Variants in RARA observed in about 807,000 individuals in gnomAD.
RARA encodes PML-DDX5-RARA fusion.
RARA carries 5 observed loss-of-function variants against 42.8 expected under a neutral mutation model. The ratio of observed to expected loss-of-function variants is 0.12; its 90% CI spans 0.06 to 0.25. RARA has a LOEUF of 0.25. Ranked by LOEUF, RARA falls within the 10% of genes least tolerant of loss-of-function variation. The pLI, the probability that RARA is intolerant of heterozygous loss-of-function variation, is 1.00. For missense variants in RARA, 402 were observed against 628.7 expected, an observed-to-expected ratio of 0.64 and a Z score of 3.86; for synonymous variants, 256 against 259.5, an observed-to-expected ratio of 0.99 and a Z score of 0.13.
intron 1 of RARA, among the ~76,000 whole-genome samples, chr17:40,310,195 C>T (rs1196910615): frequency 6.6e-6 from 1 of 152,206 alleles, no homozygotes; most frequent in Non-Finnish European, 1.5e-5. Flanking sequence ...TTCTGCCCCG[C>T]TACAGGCTCT....
intron 2 of RARA, among the ~76,000 whole-genome samples, chr17:40,339,103 G>T (rs1174459153): frequency 6.6e-6 from 1 of 152,228 alleles, no homozygotes; most frequent in African/African-American, 2.4e-5. Context: ...ACGGTCGCCT[G>T]CTTCCTGCTG....
At position 40,352,550 on chromosome 17, in the gene RARA, C is replaced by T. The variant is rs747760353; in HGVS notation, c.807+43C>T. On this transcript the variant is annotated intron_variant, in intron 6 of 8. Transcript: ENST00000254066. This position sits in a 1 kb window ranked among gnomAD's most constrained non-coding sequence, Gnocchi z 4.9. ...GGCCCCCAGGCACTGCCCCTGTGTC[C>T]TGGGTAGATGTCCTTCCAGCCAGAC... The T allele has an allele frequency of 5.3e-6, 8 of 1,497,854 alleles. 1 individual carries two copies. The South Asian group carries it at 1.0e-4, about 19-fold the overall frequency. The allele number at this position is 1,497,854 out of a possible 1,614,324, so 92.8% of individuals were successfully genotyped here.
In RARA at chr17:40,331,326, C is replaced by T. The variant is rs2033685560; in HGVS notation, c.108C>T (p.Ser36=). Residue 36 remains serine, a synonymous_variant, in exon 2 of 9, where the codon TCC becomes TCT. Coordinates refer to ENST00000254066, the MANE Select transcript of RARA (RefSeq NM_000964.4). ...FFFPPMLGGL[S]PPGALTTLQH... ...TCCCCCCTATGCTGGGTGGACTCTCCCCGCCAGGCGCTCTGACCACTCTCC... is the reference window on the plus strand; with the variant it reads ...TCCCCCCTATGCTGGGTGGACTCTCTCCGCCAGGCGCTCTGACCACTCTCC... The T allele has an allele frequency of 3.7e-6, 6 of 1,614,080 alleles. No homozygotes were observed. The highest frequency in any genetic ancestry group is 4.2e-6 in the Non-Finnish European group (5 of 1,179,988).
In RARA at chr17:40,355,462, C is replaced by G. The variant is rs1567766898; in HGVS notation, c.1171+41C>G. The G allele has an allele frequency of 1.3e-6, 2 of 1,573,852 alleles. No homozygotes were observed. The highest frequency in any genetic ancestry group is 1.7e-6 in the Non-Finnish European group (2 of 1,156,086). The stretch of plus-strand genomic sequence containing the variant: ...CTGGAGGGGTACCGGCCCCCGACAC[C>G]TGGCCCAGGCCCCCACATCCAAGCC... On this transcript the variant is annotated intron_variant, in intron 8 of 8. Transcript: ENST00000254066. This position sits in a 1 kb window ranked among gnomAD's most constrained non-coding sequence, Gnocchi z 4.1.
In RARA at chr17:40,354,534, T is replaced by TGGGGGGGGG; in HGVS notation, c.1012+31_1012+32insGGGGGGGGG. 1.2e-6 allele frequency: 1 copy of TGGGGGGGGG among 839,640 alleles called. No homozygotes were observed. 52.0% of individuals were successfully genotyped at this position (839,640 alleles called of 1,614,324 possible). On this transcript the variant is annotated intron_variant, in intron 7 of 8. Coordinates refer to ENST00000254066, the MANE Select transcript of RARA (RefSeq NM_000964.4). This position sits in a 1 kb window ranked among gnomAD's most constrained non-coding sequence, Gnocchi z 4.5. ...GGGCAGGGGGCCTGGGTCTGGGGGC[T>TGGGGGGGGG]GGGCTGGGACGGGGGTGCAGCCCTG... is the stretch of plus-strand genomic sequence containing the variant.
intron 3 of RARA, 181 bp downstream of exon 3, chr17:40,348,645 A>C: frequency 1.5e-6 from 1 of 683,130 alleles, no homozygotes; most frequent in Non-Finnish European, 2.2e-6. Flanking sequence ...TCCCCCATAA[A>C]TGTGCAGGGC....
intron 1 of RARA, among the ~76,000 whole-genome samples, chr17:40,311,011 G>A (rs1238329085): frequency 1.3e-5 from 2 of 152,092 alleles, no homozygotes; most frequent in African/African-American, 4.8e-5. Flanking sequence ...AGCACCTGTG[G>A]TCACAGAGTA....
At chr17:40,314,503 G>A (rs937330940) in intron 1 of RARA, among the ~76,000 whole-genome samples, 10 of 151,610 alleles carry the variant, frequency 6.6e-5, no homozygotes, top group Non-Finnish European at 1.2e-4. Context: ...GGCTGCAGTG[G>A]GGGCAGGGCA....
chr17:40,341,001 G>A (rs1157411984), intron 2 of RARA: 1 of 400,274 alleles, frequency 2.5e-6, no homozygotes, highest in Non-Finnish European at 4.4e-6. Flanking sequence ...TATATAAAGA[G>A]CCAGGCTTCT....
At chr17:40,311,670 C>T (rs1000470850) in intron 1 of RARA, among the ~76,000 whole-genome samples, 2 of 152,200 alleles carry the variant, frequency 1.3e-5, no homozygotes, top group African/African-American at 2.4e-5. Context: ...TGTCTCTGGG[C>T]TGGGCGCCAG....
chr17:40,323,735 G>C (rs1324583101), intron 1 of RARA, among the ~76,000 whole-genome samples: 7 of 146,792 alleles, frequency 4.8e-5, no homozygotes, highest in East Asian at 4.2e-4. Context: ...GTTGCTTGGG[G>C]GGGGGTCAAT....
chr17:40,341,319 G>A (rs1326958547), intron 2 of RARA: 1 of 1,388,704 alleles, frequency 7.2e-7, no homozygotes, highest in African/African-American at 1.5e-5. Flanking sequence ...GGGGAGGAGG[G>A]CCCCCTCTGC....
rs1259413399 is a variant in RARA at position 40,357,622 on chromosome 17, G to A, written c.*1396G>A. ...TTTCCACTGAGATCTACTGGATAAA[G>A]AATAAAGTTCTATTTATTCTACACA... On this transcript the variant is annotated 3_prime_UTR_variant, in exon 9 of 9. Coordinates refer to ENST00000254066, the MANE Select transcript of RARA (RefSeq NM_000964.4). 4.4e-6 allele frequency: 1 copy of A among 227,710 alleles called. No homozygotes were observed. Among genetic ancestry groups the A allele is most frequent in the Non-Finnish European group, 8.7e-6 (1 of 114,558 alleles). 14.1% of individuals were successfully genotyped at this position (227,710 alleles called of 1,614,324 possible).
At chr17:40,317,948 C>G (rs2033249608) in intron 1 of RARA, among the ~76,000 whole-genome samples, 1 of 152,108 alleles carries the variant, frequency 6.6e-6, no homozygotes, top group South Asian at 2.1e-4. Context: ...ATACCACACG[C>G]TGCGGTCTTC....
At position 40,356,136 on chromosome 17, in the gene RARA, C is replaced by T. The variant is rs762021232; in HGVS notation, c.1299C>T (p.Asp433=). The T allele has an allele frequency of 4.6e-5, 68 of 1,486,016 alleles. No individual in the cohort carries two copies. In the Admixed American group the frequency reaches 7.4e-4, roughly 16 times the overall value. 92.1% of individuals were successfully genotyped at this position (1,486,016 alleles called of 1,614,324 possible). ...LSGQPGGGGR[D]GGGLAPPPGS... is the part of the protein sequence containing the mutation. ...GACAGCCGGGGGGTGGGGGGCGGGA[C>T]GGGGGTGGCCTGGCCCCCCCGCCAG... is the stretch of plus-strand genomic sequence containing the variant. Residue 433 remains aspartate, a synonymous_variant, in exon 9 of 9, where the codon GAC becomes GAT. Transcript: ENST00000254066.
chr17:40,329,281 G>A (rs923263849), intron 1 of RARA, among the ~76,000 whole-genome samples: 1 of 151,318 alleles, frequency 6.6e-6, no homozygotes, highest in Admixed American at 6.6e-5. Flanking sequence ...GTGCCACCAC[G>A]CCTGGATAAC....
rs2034649259 is a variant in RARA, at chr17:40,356,867, G to A, written c.*641G>A. The A allele has an allele frequency of 7.2e-6, 3 of 418,242 alleles. No homozygotes were observed. Among genetic ancestry groups the A allele is most frequent in the Admixed American group, 7.6e-5 (2 of 26,146 alleles). The allele number at this position is 418,242 out of a possible 1,614,324, so 25.9% of individuals were successfully genotyped here. A position where few individuals can be genotyped will look rare whatever the true frequency, so the allele number is the denominator to read the frequency against. The stretch of plus-strand genomic sequence containing the variant: ...CAGAGCTGGAGGGGGTGGGTCCGGG[G>A]GAGGGAGTGGCTCGGAAGGGGCCCC... On this transcript the variant is annotated 3_prime_UTR_variant, in exon 9 of 9. Transcript: ENST00000254066.
At position 40,346,196 on chromosome 17, in the gene RARA, T is replaced by C. The variant is rs1428187700; in HGVS notation, c.179-2120T>C. On this transcript the variant is annotated intron_variant, in intron 2 of 8. Transcript: ENST00000254066. ...TGGACTTTGCTTTAGCTCCATGTTT[T>C]TATGGCTTTTTGCCCTCTAGTCTGT... Among the ~76,000 whole-genome samples the C allele has an allele frequency of 2.0e-5, 3 of 152,312 alleles. No individual in the cohort carries two copies. The East Asian group carries it at 5.8e-4, about 29-fold the overall frequency.
At chr17:40,342,966 G>A (rs969881128) in intron 2 of RARA, 66 of 1,501,236 alleles carry the variant, frequency 4.4e-5, no homozygotes, top group Non-Finnish European at 5.2e-5. Context: ...TGTAGTGGAG[G>A]TCCTGTCTCT....
Sources: allele counts gnomAD v4.1 joint callset (sites outside exome capture counted in the v4.1 genomes callset), GRCh38; gene constraint gnomAD v4.1.1; non-coding constraint Gnocchi (gnomAD v3.1); transcripts MANE v1.5; gene names NCBI Gene and HGNC (gene_info 2026-07-23, HGNC 2026-07-21).